The following ZNF117 variants were observed in gnomAD, a reference collection of about 807,000 sequenced individuals.
ZNF117 encodes the protein zinc finger protein 117, also known as Krueppel-related zinc finger protein.
ZNF117 carries 37 observed loss-of-function variants against 41.2 expected under a neutral mutation model. The ratio of observed to expected loss-of-function variants is 0.90; its 90% CI spans 0.69 to 1.18. The LOEUF (loss-of-function observed/expected upper bound fraction) is 1.18, where lower values mean the gene tolerates loss of function less well. Among genes scored for constraint, ZNF117 ranks in the 50% most tolerant of loss-of-function variants. The pLI is 0.00. For synonymous variants in ZNF117, 186 were observed against 186.6 expected, an observed-to-expected ratio of 1.00 and a Z score of 0.02; for missense variants, 546 against 557.5, an observed-to-expected ratio of 0.98 and a Z score of 0.21.
upstream of ZNF117, chr7:64,982,249 C>A: frequency 5.2e-6 from 2 of 381,166 alleles, no homozygotes; most frequent in East Asian, 5.2e-5. Context: ...GTGAATGAAA[C>A]TATCCATAAA....
intron 1 of ZNF117, among the ~76,000 whole-genome samples, chr7:64,987,757 G>C (rs887354815): frequency 2.9e-4 from 44 of 151,810 alleles, no homozygotes; most frequent in African/African-American, 1.1e-3. Context: ...CAAAAGGTGG[G>C]AGGATAGCTT....
chr7:64,980,767 A>T, intron 2 of ZNF117: 1 of 152,322 alleles, frequency 6.6e-6, no homozygotes, highest in Non-Finnish European at 1.5e-5. Context: ...TAACTGTGTG[A>T]CATTGTCCAA....
At chr7:64,980,865 C>T (rs1786007858) in intron 2 of ZNF117, 1 of 152,378 alleles carries the variant, frequency 6.6e-6, no homozygotes, top group African/African-American at 2.4e-5. Context: ...TCCAAAATAG[C>T]CAAATCCTGA....
chr7:64,987,688 A>C (rs1230742043), intron 1 of ZNF117, among the ~76,000 whole-genome samples: 1 of 152,128 alleles, frequency 6.6e-6, no homozygotes, highest in Non-Finnish European at 1.5e-5. Context: ...AATCTGAAAG[A>C]AATAGTAAAT....
chr7:64,975,661 A>G (rs1008187825), exon 3 of ZNF117: 5 of 152,272 alleles, frequency 3.3e-5, no homozygotes, highest in South Asian at 4.1e-4. Context: ...TAATTTTTTC[A>G]AAGAAAAAAG....
chr7:64,974,155 T>C (rs533360646), downstream of ZNF117: 2 of 151,944 alleles, frequency 1.3e-5, no homozygotes, highest in South Asian at 2.1e-4. Flanking sequence ...AAAGAACAAA[T>C]GGAATGTTCT....
exon 2 of ZNF117, chr7:64,981,467 T>G (rs1180353978): frequency 6.2e-7 from 1 of 1,601,190 alleles, no homozygotes; most frequent in Non-Finnish European, 8.6e-7. Context: ...CAGGTCTGGC[T>G]TAGAGACAGC....
exon 3 of ZNF117, chr7:64,976,797 G>C (rs1465828455): frequency 2.6e-6 from 1 of 378,264 alleles, no homozygotes; most frequent in Non-Finnish European, 5.2e-6. Context: ...CAAAATCATT[G>C]TCACATCTTT....
Position 64,978,231 on chromosome 7 carries a change from C to T in ZNF117, c.1340G>A (p.Cys447Tyr), listed in dbSNP as rs746685594. ...GTTAAAAGCTTTGCCACATTCTTCA[C>T]ATTTGTAGGGTTTCTCTCCAGTATG... Residue 447 changes from cysteine to tyrosine, a missense_variant, in exon 3 of 3, where the codon TGT becomes TAT. By Grantham distance (194) the Cys-to-Tyr change is radical (BLOSUM62 -2). Transcript: ENST00000620222. 3 of 1,613,136 alleles carry T rather than the reference C, an allele frequency of 1.9e-6. No individual in the cohort carries two copies. The highest frequency in any genetic ancestry group is 1.1e-5 in the South Asian group (1 of 91,056).
exon 3 of ZNF117, chr7:64,977,453 G>C (rs1003826370): frequency 2.1e-6 from 1 of 467,554 alleles, no homozygotes; most frequent in Non-Finnish European, 4.3e-6. Flanking sequence ...AGCATCGACT[G>C]AAAGTTTTGC....
At chr7:64,973,236 G>A (rs1335844446), downstream of ZNF117, 3 of 151,826 alleles carry the variant, frequency 2.0e-5, no homozygotes, top group Non-Finnish European at 2.9e-5. Flanking sequence ...TTATTATTTT[G>A]CAACCTTTAA....
chr7:64,988,240 CA>C (rs1786177132), intron 1 of ZNF117, among the ~76,000 whole-genome samples: 1 of 152,144 alleles, frequency 6.6e-6, no homozygotes, highest in African/African-American at 2.4e-5. Context: ...AACAGCACAT[CA>C]AAAAGCAAAT....
At chr7:64,974,508 T>C (rs1785837666) in exon 3 of ZNF117, 1 of 151,858 alleles carries the variant, frequency 6.6e-6, no homozygotes, top group South Asian at 2.1e-4. Context: ...TGCTCCAATA[T>C]TGCTCTTTTC....
At chr7:64,981,167 G>A in intron 2 of ZNF117, 1 of 561,006 alleles carries the variant, frequency 1.8e-6, no homozygotes. Flanking sequence ...GGCTTTCACT[G>A]TGAAATTGAA....
At chr7:64,987,618 A>T (rs1786161420) in intron 1 of ZNF117, among the ~76,000 whole-genome samples, 2 of 152,134 alleles carry the variant, frequency 1.3e-5, no homozygotes, top group Non-Finnish European at 2.9e-5. Context: ...CCCTGACCCC[A>T]CAAGAATACA....
At chr7:64,978,875 T>C in exon 3 of ZNF117, 1 of 1,613,640 alleles carries the variant, frequency 6.2e-7, no homozygotes. Flanking sequence ...GCTTTGAGGC[T>C]TGGTTAAAAG....
At chr7:64,979,299 T>C (rs752321018) in exon 3 of ZNF117, 2 of 1,589,662 alleles carry the variant, frequency 1.3e-6, no homozygotes, top group East Asian at 2.2e-5. Context: ...TGAAATTTTA[T>C]GGAAAACTTC....
downstream of ZNF117, chr7:64,972,822 G>A (rs936674293): frequency 6.6e-6 from 1 of 151,976 alleles, no homozygotes. Flanking sequence ...TTAACGATGT[G>A]AGGTAAAGCC....
rs191893451 is a variant in ZNF117 at position 64,989,790 on chromosome 7, T to G, written c.-196+157A>C. Among the ~76,000 whole-genome samples, 320 of 121,150 alleles carry G rather than the reference T, an allele frequency of 2.6e-3. 1 individual carries two copies. Among genetic ancestry groups the G allele is most frequent in the Middle Eastern group, 8.7e-3 (2 of 230 alleles). 79.5% of individuals were successfully genotyped at this position (121,150 alleles called of 152,430 possible). A position where few individuals can be genotyped will look rare whatever the true frequency, so the allele number is the denominator to read the frequency against. On this transcript the variant is annotated intron_variant, in intron 1 of 3. Transcript: ENST00000282869. ...TTTTAAAAAAAAAGAAGAAGAAGAATAAGCCAGGATCTGTGGCTCATGCTT... is the reference window on the plus strand; with the variant it reads ...TTTTAAAAAAAAAGAAGAAGAAGAAGAAGCCAGGATCTGTGGCTCATGCTT...
Sources: allele counts gnomAD v4.1 joint callset (sites outside exome capture counted in the v4.1 genomes callset), GRCh38; gene constraint gnomAD v4.1.1; transcripts MANE v1.5; gene names NCBI Gene and HGNC (gene_info 2026-07-23, HGNC 2026-07-21).